Variants in RUNX3 observed in about 807,000 individuals in gnomAD.
The protein encoded by RUNX3 is runt-related transcription factor 3.
Under a neutral mutation model 27.7 loss-of-function variants are expected in RUNX3, and 10 were observed. The ratio of observed to expected loss-of-function variants is 0.36; its 90% CI spans 0.22 to 0.61. The LOEUF is 0.61. Among genes scored for constraint, RUNX3 ranks in the 20% least tolerant of loss-of-function variants. The pLI is 0.72. For synonymous variants in RUNX3, 270 were observed against 269.2 expected (o/e 1.00, Z -0.03); for missense variants, 469 against 629.5 (o/e 0.75, Z 2.73).
intron 3 of RUNX3, 138 bp from the exon 4 acceptor site, chr1:24,907,555 C>A (rs912983427): frequency 4.2e-5 from 34 of 814,426 alleles, no homozygotes; most frequent in Non-Finnish European, 5.6e-5. Context: ...TCACCGCCAG[C>A]CTCTTCACAG....
chr1:24,903,181 C>T (rs1640600368), intron 4 of RUNX3, among the ~76,000 whole-genome samples: 1 of 152,234 alleles, frequency 6.6e-6, no homozygotes. Context: ...GAGAGCAAGA[C>T]TGAGTCTCTG....
At chr1:24,961,326 C>T (rs1287177167) in intron 2 of RUNX3, 1 of 152,190 alleles carries the variant, frequency 6.6e-6, no homozygotes, top group Non-Finnish European at 1.5e-5. Flanking sequence ...CATTCTCAGC[C>T]TGTTTTTGCC....
intron 4 of RUNX3, among the ~76,000 whole-genome samples, chr1:24,905,992 A>G (rs111952006): frequency 1.1e-3 from 160 of 152,284 alleles, no homozygotes; most frequent in African/African-American, 3.5e-3. Context: ...GCTTCTCCCA[A>G]CCTTGGCGTC....
At chr1:24,931,681 C>A (rs114731354), upstream of RUNX3, among the ~76,000 whole-genome samples, 1,268 of 152,312 alleles carry the variant, frequency 8.3e-3, 9 homozygotes, top group Non-Finnish European at 0.014. Context: ...GGATCTGACC[C>A]CTGCTCAGCG....
In RUNX3 at chr1:24,930,073, G is replaced by C. The variant is rs1169440200; in HGVS notation, c.-205C>G. 21 of 980,026 alleles carry C rather than the reference G, an allele frequency of 2.1e-5. No individual in the cohort carries two copies. 60.7% of individuals were successfully genotyped at this position (980,026 alleles called of 1,614,324 possible). A position where few individuals can be genotyped will look rare whatever the true frequency, so the allele number is the denominator to read the frequency against. Reference sequence around the variant, plus strand: ...GCGAGGCCTCGCTGGCCCGACGGCCGCCCGCAGCCTGCCCGGCTAGTCCCG... The same window carrying C: ...GCGAGGCCTCGCTGGCCCGACGGCCCCCCGCAGCCTGCCCGGCTAGTCCCG... On this transcript the variant is annotated 5_prime_UTR_variant, in exon 1 of 5. Transcript: ENST00000308873. This position sits in a 1 kb window ranked among gnomAD's most constrained non-coding sequence, Gnocchi z 4.1.
rs1018258874 is a variant in RUNX3, at chr1:24,904,755, C to T, written c.704-2089G>A. Among the ~76,000 whole-genome samples, 7 of 152,006 alleles carry T rather than the reference C, an allele frequency of 4.6e-5. No individual in the cohort carries two copies. Among genetic ancestry groups the T allele is most frequent in the African/African-American group, 1.7e-4 (7 of 41,396 alleles). On this transcript the variant is annotated intron_variant, in intron 4 of 4. Coordinates refer to ENST00000308873, the MANE Select transcript of RUNX3 (RefSeq NM_004350.3). The surrounding 1 kb of genome is among the most constrained non-coding windows in gnomAD (Gnocchi z 5.7). Reference sequence around the variant, plus strand: ...TCCCTGGACCTGCCACCATCCCCTCCAGCCTCTTTCCTCAGGGCCACCACC... The same window carrying T: ...TCCCTGGACCTGCCACCATCCCCTCTAGCCTCTTTCCTCAGGGCCACCACC...
chr1:24,932,754 C>G (rs1190545632), upstream of RUNX3, among the ~76,000 whole-genome samples: 1 of 152,162 alleles, frequency 6.6e-6, no homozygotes, highest in Non-Finnish European at 1.5e-5. Flanking sequence ...AACTCCGACT[C>G]CCCCACCTGG....
At chr1:24,909,062 C>T (rs1245265334) in intron 3 of RUNX3, among the ~76,000 whole-genome samples, 1 of 152,168 alleles carries the variant, frequency 6.6e-6, no homozygotes, top group African/African-American at 2.4e-5. Flanking sequence ...AGAGCCCACA[C>T]AGGAAGAATC....
intron 2 of RUNX3, among the ~76,000 whole-genome samples, chr1:24,935,978 C>T (rs944326929): frequency 2.4e-4 from 36 of 152,216 alleles, no homozygotes; most frequent in Non-Finnish European, 4.3e-4. Flanking sequence ...GGGCTGTCTG[C>T]ACTCTGACCG....
rs534122042 is a variant in RUNX3 at position 24,951,961 on chromosome 1, C to T, written c.58+12553G>A. On this transcript the variant is annotated intron_variant, in intron 2 of 6. Coordinates refer to the RUNX3 transcript ENST00000338888. Reference sequence around the variant, plus strand: ...TCCAGCCTGGAAGACAGAGCCAGAACCTGTCTCAAATACATATATAAACAA... The same window carrying T: ...TCCAGCCTGGAAGACAGAGCCAGAATCTGTCTCAAATACATATATAAACAA... 5.1e-3 allele frequency among the ~76,000 whole-genome samples: 782 copies of T among 152,180 alleles called. 1 individual carries two copies. Among genetic ancestry groups the T allele is most frequent in the Non-Finnish European group, 8.0e-3 (547 of 68,022 alleles).
chr1:24,909,524 A>T (rs1444975877), intron 3 of RUNX3, among the ~76,000 whole-genome samples: 1 of 152,204 alleles, frequency 6.6e-6, no homozygotes, highest in Non-Finnish European at 1.5e-5. Context: ...GAAATGACGG[A>T]GTTCCCATAA....
chr1:24,909,803 T>C (rs1640762534), intron 3 of RUNX3, among the ~76,000 whole-genome samples: 1 of 152,270 alleles, frequency 6.6e-6, no homozygotes, highest in African/African-American at 2.4e-5. Flanking sequence ...CACTCCAGGG[T>C]TCGGCTGATC....
At position 24,901,307 on chromosome 1, in the gene RUNX3, C is replaced by T. The variant is rs1174843037; in HGVS notation, c.*815G>A. On this transcript the variant is annotated 3_prime_UTR_variant, in exon 5 of 5. Transcript: ENST00000308873. The stretch of plus-strand genomic sequence containing the variant: ...TGAGACCACCTAGGGGAAAGGGGAC[C>T]TCCTATCCCCCCTCCCCCGCCCTGC... 1 of 152,616 alleles carries T rather than the reference C, an allele frequency of 6.6e-6. No homozygotes were observed. Among genetic ancestry groups the T allele is most frequent in the African/African-American group, 2.4e-5 (1 of 41,402 alleles). The allele number at this position is 152,616 out of a possible 1,614,324, so 9.5% of individuals were successfully genotyped here.
At chr1:24,909,591 G>A (rs936494511) in intron 3 of RUNX3, among the ~76,000 whole-genome samples, 3 of 152,194 alleles carry the variant, frequency 2.0e-5, no homozygotes, top group Admixed American at 6.5e-5. Flanking sequence ...CGAGAATGAC[G>A]CTGCTCTCCC....
Position 24,923,288 on chromosome 1 carries a change from G to A in RUNX3, c.440-3944C>T, listed in dbSNP as rs1641035676. On this transcript the variant is annotated intron_variant, in intron 2 of 4. Transcript: ENST00000308873. The surrounding 1 kb of genome is among the most constrained non-coding windows in gnomAD (Gnocchi z 5.9). ...GAGGGGCAGGAGTCCTGGACCTCGG[G>A]AGACAGGGAGCCTGGGGAGCAGGGG... is the stretch of plus-strand genomic sequence containing the variant. Among the ~76,000 whole-genome samples, 1 of 152,144 alleles carries A rather than the reference G, an allele frequency of 6.6e-6. No individual in the cohort carries two copies. The highest frequency in any genetic ancestry group is 1.5e-5 in the Non-Finnish European group (1 of 68,026).
chr1:24,939,105 A>T (rs759298710), intron 2 of RUNX3, among the ~76,000 whole-genome samples: 19 of 152,126 alleles, frequency 1.2e-4, no homozygotes, highest in Non-Finnish European at 2.2e-4. Context: ...CTGGAAAATG[A>T]GGAGGAAAGA....
At chr1:24,941,965 G>T (rs1037014933) in intron 2 of RUNX3, among the ~76,000 whole-genome samples, 3 of 152,210 alleles carry the variant, frequency 2.0e-5, no homozygotes, top group Admixed American at 6.5e-5. Context: ...TATCACCTGA[G>T]TGGGCTTCCA....
At chr1:24,911,191 A>G (rs946965162) in intron 3 of RUNX3, among the ~76,000 whole-genome samples, 3 of 152,264 alleles carry the variant, frequency 2.0e-5, no homozygotes, top group Non-Finnish European at 4.4e-5. Context: ...GGGACCACAG[A>G]CTGATCCGAC....
intron 3 of RUNX3, among the ~76,000 whole-genome samples, chr1:24,919,020 A>T (rs936736113): frequency 1.3e-5 from 2 of 152,094 alleles, no homozygotes; most frequent in African/African-American, 4.8e-5. Context: ...GTCTCCATGG[A>T]CAGTCATCTC....
Sources: gnomAD v4.1 joint callset for allele counts (sites outside exome capture counted in the v4.1 genomes callset) on GRCh38, gnomAD v4.1.1 for gene constraint, Gnocchi (gnomAD v3.1) non-coding constraint, MANE v1.5 for transcripts, NCBI Gene and HGNC (gene_info 2026-07-23, HGNC 2026-07-21) for gene names.